The following TULP4 variants were observed in gnomAD, a reference collection of about 807,000 sequenced individuals.
TULP4 encodes tubby-related protein 4.
In TULP4, 16 loss-of-function variants were observed where a neutral mutation model predicts 129.0. The observed-to-expected ratio is 0.12, with a 90% CI of 0.08 to 0.19. The LOEUF is 0.19. TULP4 is among the 10% of genes least tolerant of loss of function. TULP4 has a pLI of 1.00. For synonymous variants in TULP4, 998 were observed against 854.0 expected, an observed-to-expected ratio of 1.17 and a Z score of -2.94; for missense variants, 1,842 against 2,059.1, an observed-to-expected ratio of 0.89 and a Z score of 2.04.
intron 1 of TULP4, among the ~76,000 whole-genome samples, chr6:158,319,035 T>C (rs1488570626): frequency 6.6e-6 from 1 of 152,020 alleles, no homozygotes; most frequent in African/African-American, 2.4e-5. Context: ...TGAGAGCCAC[T>C]GTGCCCAGCT....
chr6:158,328,928 C>T (rs1006556715), intron 1 of TULP4, among the ~76,000 whole-genome samples: 1 of 152,072 alleles, frequency 6.6e-6, no homozygotes. Flanking sequence ...CAGTGGGTAT[C>T]GTATTTTACT....
intron 1 of TULP4, among the ~76,000 whole-genome samples, chr6:158,276,594 G>T (rs569405535): frequency 2.0e-5 from 3 of 151,848 alleles, no homozygotes; most frequent in Non-Finnish European, 4.4e-5. Flanking sequence ...CAGAACTGTT[G>T]TACTGAGTTC....
intron 1 of TULP4, among the ~76,000 whole-genome samples, chr6:158,270,417 G>T (rs1005994579): frequency 6.6e-6 from 1 of 152,024 alleles, no homozygotes; most frequent in Non-Finnish European, 1.5e-5. Context: ...TATTGAAGTT[G>T]GTTTATTTTG....
intron 1 of TULP4, among the ~76,000 whole-genome samples, chr6:158,297,399 A>G (rs1386769228): frequency 6.6e-6 from 1 of 152,160 alleles, no homozygotes; most frequent in Non-Finnish European, 1.5e-5. Context: ...ATGTTTTACA[A>G]TCAGTTTGTA....
chr6:158,447,669 C>T (rs1779082195), intron 3 of TULP4, among the ~76,000 whole-genome samples: 1 of 152,130 alleles, frequency 6.6e-6, no homozygotes, highest in Non-Finnish European at 1.5e-5. Context: ...TGTCTCTCCC[C>T]CAAGGAGCTT....
intron 1 of TULP4, chr6:158,242,521 C>G (rs766613752): frequency 1.2e-5 from 9 of 760,528 alleles, no homozygotes; most frequent in East Asian, 4.9e-5. Context: ...TTGGTACTTT[C>G]TACTGTCTTC....
chr6:158,445,463 A>G (rs781676517), intron 3 of TULP4, among the ~76,000 whole-genome samples: 8 of 152,144 alleles, frequency 5.3e-5, no homozygotes, highest in Non-Finnish European at 8.8e-5. Context: ...TTGGACAGAA[A>G]TGTATTTATA....
intron 1 of TULP4, chr6:158,237,675 C>A: frequency 8.5e-7 from 1 of 1,172,390 alleles, no homozygotes; most frequent in African/African-American, 1.5e-5. Context: ...GCAATTTTCC[C>A]TTCTTTTTCT....
chr6:158,281,104 A>G (rs1583701031), upstream of TULP4, among the ~76,000 whole-genome samples: 1 of 152,088 alleles, frequency 6.6e-6, no homozygotes, highest in East Asian at 1.9e-4. Flanking sequence ...TATCGGAGGG[A>G]TATTTAAAAA....
intron 6 of TULP4, among the ~76,000 whole-genome samples, chr6:158,463,508 A>G (rs1008372872): frequency 1.3e-5 from 2 of 152,016 alleles, no homozygotes; most frequent in Non-Finnish European, 2.9e-5. Flanking sequence ...GGGTGGGGGT[A>G]GCGGGGAGGG....
rs1034585413 is a variant in TULP4 at position 158,444,027 on chromosome 6, G to A, written c.544-4969G>A. 1.5e-4 allele frequency among the ~76,000 whole-genome samples: 23 copies of A among 151,832 alleles called. No homozygotes were observed. In the South Asian group the frequency reaches 4.4e-3, roughly 29 times the overall value. On this transcript the variant is annotated intron_variant, in intron 3 of 13. Coordinates refer to ENST00000367097, the MANE Select transcript of TULP4 (RefSeq NM_020245.5). The stretch of plus-strand genomic sequence containing the variant: ...AAGGTCAGGAGATTGAGACCATCCT[G>A]GCTAACACGGTGAAACCCCGTCTCT...
At chr6:158,383,112 G>A (rs536919399) in intron 1 of TULP4, among the ~76,000 whole-genome samples, 1 of 152,300 alleles carries the variant, frequency 6.6e-6, no homozygotes, top group East Asian at 1.9e-4. Flanking sequence ...AACCCCTCTT[G>A]CCTTAGACCA....
intron 1 of TULP4, among the ~76,000 whole-genome samples, chr6:158,348,711 C>T (rs1398450783): frequency 1.3e-5 from 2 of 152,060 alleles, no homozygotes; most frequent in Non-Finnish European, 2.9e-5. Context: ...TTGGGTACAC[C>T]TCCCAGATGG....
At chr6:158,295,200 G>GA (rs67847743) in intron 1 of TULP4, among the ~76,000 whole-genome samples, 46,597 of 151,920 alleles carry the variant, frequency 0.31, 7,425 homozygotes, top group Middle Eastern at 0.38. Context: ...TTATCCTTTA[G>GA]AAGAAATAGA....
At chr6:158,437,461 T>C (rs1195640841) in intron 3 of TULP4, among the ~76,000 whole-genome samples, 1 of 152,076 alleles carries the variant, frequency 6.6e-6, no homozygotes, top group Non-Finnish European at 1.5e-5. Flanking sequence ...CTCAGGAGGC[T>C]GAGGTGGGAG....
chr6:158,445,144 G>A (rs982915332), intron 3 of TULP4, among the ~76,000 whole-genome samples: 18 of 152,260 alleles, frequency 1.2e-4, no homozygotes, highest in South Asian at 2.1e-4. Context: ...CCTGCAGTGA[G>A]TATATACAAG....
chr6:158,257,387 T>C (rs1023479630), intron 1 of TULP4, among the ~76,000 whole-genome samples: 2 of 152,216 alleles, frequency 1.3e-5, no homozygotes, highest in South Asian at 2.1e-4. Context: ...CAAACTCTTA[T>C]GATGTGTCTT....
intron 5 of TULP4, among the ~76,000 whole-genome samples, chr6:158,461,343 G>A (rs1047935507): frequency 3.3e-5 from 5 of 151,890 alleles, no homozygotes; most frequent in African/African-American, 7.3e-5. Context: ...CCCAGGAGGC[G>A]GAGGTTGCAG....
intron 11 of TULP4, 68 bp downstream of exon 11, chr6:158,494,914 T>C (rs1355960513): frequency 2.9e-6 from 4 of 1,369,688 alleles, no homozygotes; most frequent in Non-Finnish European, 4.1e-6. Context: ...TTTCCACCTT[T>C]AGTGGCTTAA....
Sources: gnomAD v4.1 joint callset for allele counts (sites outside exome capture counted in the v4.1 genomes callset) on GRCh38, gnomAD v4.1.1 for gene constraint, MANE v1.5 for transcripts, NCBI Gene and HGNC (gene_info 2026-07-23, HGNC 2026-07-21) for gene names.